The following STK31 variants were observed in gnomAD, a reference collection of about 807,000 sequenced individuals.
STK31 encodes the protein serine/threonine-protein kinase 31.
STK31 carries 89 observed loss-of-function variants against 129.7 expected under a neutral mutation model. The ratio of observed to expected loss-of-function variants is 0.69; its 90% CI spans 0.58 to 0.82. STK31 has a LOEUF of 0.82. Among genes scored for constraint, STK31 ranks in the 40% least tolerant of loss-of-function variants. STK31 has a pLI of 0.00. For synonymous variants in STK31, 448 were observed against 395.3 expected (o/e 1.13, Z -1.58); for missense variants, 1,187 against 1,176.4 (o/e 1.01, Z -0.13).
intron 22 of STK31, among the ~76,000 whole-genome samples, chr7:23,814,275 ATTTTATGGTATTTTCAGG>A (rs1405232237): frequency 6.8e-6 from 1 of 147,548 alleles, no homozygotes; most frequent in African/African-American, 2.5e-5. Flanking sequence ...CTTTGGTTAT[ATTTTATGGTATTTTCAGG>A]TTTTATAATT....
Position 23,710,334 on chromosome 7 carries a change from A to C in STK31, c.49A>C (p.Ser17Arg), listed in dbSNP as rs2128056788. The change falls in exon 1 of 24, where the codon AGT (serine) becomes CGT (arginine). Residue 17 changes from serine to arginine, a missense_variant and splice_region_variant. Ser to Arg is a moderately radical substitution (Grantham distance 110, BLOSUM62 -1). Coordinates refer to ENST00000355870, the MANE Select transcript of STK31 (RefSeq NM_031414.5). ...TAGAGCTTCCGCAACGGAAAGTGTG[A>C]GGTCAGTAGTAGTTTTTGTGGTACG... The part of the protein sequence containing the change: ...SSRASATESV[S>R]FSGIVQMDED... 1 of 1,613,422 alleles carries C rather than the reference A, an allele frequency of 6.2e-7. No individual in the cohort carries two copies. The highest frequency in any genetic ancestry group is 2.2e-5 in the East Asian group (1 of 44,872).
rs897630785 is a variant in STK31 at position 23,737,068 on chromosome 7, A to G, written c.1007A>G (p.Gln336Arg). 6.2e-7 allele frequency: 1 copy of G among 1,605,518 alleles called. No homozygotes were observed. Among genetic ancestry groups the G allele is most frequent in the African/African-American group, 1.3e-5 (1 of 74,788 alleles). ...GAATTGAAAGTAGAGCAGATTGCCC[A>G]GGAGCTGCAGGTATGTTCAGTGGCT... is the stretch of plus-strand genomic sequence containing the variant. Reference protein sequence around the residue: ...ALELKVEQIAQELQQEKAAAV... With the variant: ...ALELKVEQIARELQQEKAAAV... The change falls in exon 8 of 24, where the codon CAG becomes CGG. Residue 336 changes from glutamine (Q) to arginine (R), a missense_variant. Around this residue, in one of 5 missense-constraint regions of STK31, gnomAD observed 975 missense variants for 934.9 expected, o/e 1.04. Transcript: ENST00000355870.
At chr7:23,810,677 A>G (rs1447683232) in intron 22 of STK31, among the ~76,000 whole-genome samples, 2 of 130,904 alleles carry the variant, frequency 1.5e-5, no homozygotes, top group Non-Finnish European at 3.2e-5. Flanking sequence ...TAATATATAT[A>G]AAATAGATAT....
chr7:23,750,079 A>ACCCCCCCCCCCC (rs1788622449), intron 8 of STK31, among the ~76,000 whole-genome samples: 1 of 65,248 alleles, frequency 1.5e-5, no homozygotes, highest in Non-Finnish European at 3.6e-5. Flanking sequence ...CCCCCCCGCC[A>ACCCCCCCCCCCC]CTGCTGGAAA....
In STK31 at chr7:23,786,905, A is replaced by G; in HGVS notation, c.2468A>G (p.Asn823Ser). Residue 823 changes from asparagine (N) to serine (S), a missense_variant, in exon 20 of 24, where the codon AAC becomes AGC. By Grantham distance (46) the Asn-to-Ser change is conservative. Around this residue, in one of 5 missense-constraint regions of STK31, gnomAD observed 975 missense variants for 934.9 expected, o/e 1.04. Transcript: ENST00000355870. ...GCAAACCTGAATGCTGTTCAAGCCAACATGCCTTTAAATTCAGAAGTAAGT... is the reference window on the plus strand; with the variant it reads ...GCAAACCTGAATGCTGTTCAAGCCAGCATGCCTTTAAATTCAGAAGTAAGT... The part of the protein sequence containing the change: ...PRANLNAVQA[N>S]MPLNSEETLK... 6.2e-7 allele frequency: 1 copy of G among 1,613,904 alleles called. No individual in the cohort carries two copies. Among genetic ancestry groups the G allele is most frequent in the Non-Finnish European group, 8.5e-7 (1 of 1,179,852 alleles).
At chr7:23,736,590 G>T (rs1377086926) in intron 7 of STK31, among the ~76,000 whole-genome samples, 2 of 148,012 alleles carry the variant, frequency 1.4e-5, no homozygotes, top group Non-Finnish European at 3.0e-5. Flanking sequence ...ATCACGGGGG[G>T]GGGATCACAG....
chr7:23,764,484 A>G (rs1413727724), intron 11 of STK31, among the ~76,000 whole-genome samples: 2 of 152,226 alleles, frequency 1.3e-5, no homozygotes, highest in Admixed American at 6.5e-5. Flanking sequence ...GGTCAAATAA[A>G]TGAAAGTTCT....
intron 8 of STK31, among the ~76,000 whole-genome samples, chr7:23,738,590 A>T (rs6963050): frequency 0.42 from 63,829 of 151,340 alleles, 13,763 homozygotes; most frequent in Admixed American, 0.52. Flanking sequence ...TTTAAACTCA[A>T]ACTTGCCTTA....
chr7:23,801,877 T>C (rs1396850469), intron 22 of STK31, among the ~76,000 whole-genome samples: 6 of 152,224 alleles, frequency 3.9e-5, no homozygotes, highest in Non-Finnish European at 8.8e-5. Context: ...GTGGACTCTT[T>C]CTGCTGTTGA....
chr7:23,800,953 C>T (rs1194040551), intron 22 of STK31, among the ~76,000 whole-genome samples: 4 of 152,042 alleles, frequency 2.6e-5, no homozygotes, highest in Admixed American at 2.6e-4. Flanking sequence ...TGTTTGTTCA[C>T]CTGTTGCAGA....
intron 3 of STK31, among the ~76,000 whole-genome samples, chr7:23,712,851 A>T (rs993916696): frequency 2.0e-5 from 3 of 152,178 alleles, no homozygotes; most frequent in Admixed American, 1.3e-4. Context: ...AATTCCTCTG[A>T]TGCACAGAAC....
intron 22 of STK31, among the ~76,000 whole-genome samples, chr7:23,812,956 C>T (rs56035729): frequency 0.034 from 5,224 of 152,172 alleles, 320 homozygotes; most frequent in African/African-American, 0.12. Flanking sequence ...TTTCTTTACT[C>T]ACTCATCTGT....
At chr7:23,774,066 A>C (rs1229985643) in intron 15 of STK31, among the ~76,000 whole-genome samples, 1 of 152,098 alleles carries the variant, frequency 6.6e-6, no homozygotes, top group Non-Finnish European at 1.5e-5. Context: ...TTTGCTGAGA[A>C]TGATGGCTTC....
intron 22 of STK31, among the ~76,000 whole-genome samples, chr7:23,805,410 C>T (rs959089132): frequency 2.6e-5 from 4 of 152,240 alleles, no homozygotes; most frequent in Admixed American, 6.5e-5. Flanking sequence ...TATTTCTATG[C>T]GTCAATAACT....
At chr7:23,723,864 G>A (rs902895448) in intron 4 of STK31, among the ~76,000 whole-genome samples, 1 of 152,146 alleles carries the variant, frequency 6.6e-6, no homozygotes, top group Non-Finnish European at 1.5e-5. Context: ...ATACCTAGGC[G>A]AGTTAGAGAA....
chr7:23,786,757 T>C (rs1409321837), intron 19 of STK31, 81 bp from the exon 20 acceptor site: 20 of 1,541,428 alleles, frequency 1.3e-5, no homozygotes, highest in Non-Finnish European at 1.8e-5. Flanking sequence ...AAAAGAAAAA[T>C]TATCCCATAG....
At chr7:23,800,535 A>G (rs1018776188) in intron 22 of STK31, among the ~76,000 whole-genome samples, 2 of 151,988 alleles carry the variant, frequency 1.3e-5, no homozygotes, top group Non-Finnish European at 2.9e-5. Context: ...GTTCTCACTC[A>G]TAAGTTGAAC....
At chr7:23,826,567 G>T (rs1458971057) in intron 23 of STK31, among the ~76,000 whole-genome samples, 1 of 152,172 alleles carries the variant, frequency 6.6e-6, no homozygotes, top group Non-Finnish European at 1.5e-5. Flanking sequence ...GCCAGTCTGT[G>T]CCTTTTAATT....
chr7:23,798,693 A>G (rs1342193740), intron 22 of STK31, among the ~76,000 whole-genome samples: 1 of 152,210 alleles, frequency 6.6e-6, no homozygotes, highest in Non-Finnish European at 1.5e-5. Flanking sequence ...CTGGCACAAG[A>G]CAGGGATGCC....
Sources: allele counts gnomAD v4.1 joint callset (sites outside exome capture counted in the v4.1 genomes callset), GRCh38; gene constraint gnomAD v4.1.1; regional missense constraint gnomAD v4.1.1; transcripts MANE v1.5; gene names NCBI Gene and HGNC (gene_info 2026-07-23, HGNC 2026-07-21).